EML1: variants seen among roughly 807,000 people sequenced by gnomAD.
EML1 encodes EMAP like 1.
EML1 carries 27 observed loss-of-function variants against 110.4 expected under a neutral mutation model. The ratio of observed to expected loss-of-function variants is 0.24; its 90% CI spans 0.18 to 0.34. EML1 has a LOEUF of 0.34. Ranked by LOEUF, EML1 falls within the 10% of genes least tolerant of loss-of-function variation. EML1 has a pLI of 1.00. For missense variants in EML1, 741 were observed against 1,030.9 expected (o/e 0.72, Z 3.85); for synonymous variants, 344 against 385.8 (o/e 0.89, Z 1.27).
chr14:99,924,135 G>A (rs2140095038), intron 17 of EML1, among the ~76,000 whole-genome samples: 1 of 152,282 alleles, frequency 6.6e-6, no homozygotes, highest in South Asian at 2.1e-4. Context: ...AGTTGTAGGT[G>A]TACAAGTCTT....
intron 1 of EML1, among the ~76,000 whole-genome samples, chr14:99,763,178 A>G (rs2057332675): frequency 6.6e-6 from 1 of 152,134 alleles, no homozygotes; most frequent in Non-Finnish European, 1.5e-5. Flanking sequence ...TTCTGCCATG[A>G]TTGTGAGGCC....
chr14:99,815,100 G>A (rs990183652), intron 1 of EML1, among the ~76,000 whole-genome samples: 3 of 147,672 alleles, frequency 2.0e-5, no homozygotes, highest in Admixed American at 6.7e-5. Context: ...GCGAGCTTGA[G>A]TTTCCCCTTA....
chr14:99,885,886 AG>A (rs2139964938), intron 4 of EML1: 1 of 455,906 alleles, frequency 2.2e-6, no homozygotes, highest in East Asian at 7.0e-5. Context: ...AAGGAGGTTA[AG>A]CTGGTGGAGG....
At chr14:99,805,673 G>A (rs1376138937) in intron 1 of EML1, among the ~76,000 whole-genome samples, 1 of 151,856 alleles carries the variant, frequency 6.6e-6, no homozygotes, top group East Asian at 1.9e-4. Context: ...ATGGGGTCTC[G>A]ATTTGTTCCT....
chr14:99,923,322 T>G (rs2060162719), intron 17 of EML1, among the ~76,000 whole-genome samples: 1 of 152,236 alleles, frequency 6.6e-6, no homozygotes, highest in Admixed American at 6.5e-5. Context: ...TTTCCTTTTG[T>G]GGATCATGCC....
intron 3 of EML1, among the ~76,000 whole-genome samples, chr14:99,872,076 T>C (rs1164823838): frequency 6.6e-6 from 1 of 152,180 alleles, no homozygotes; most frequent in African/African-American, 2.4e-5. Context: ...TGTGTACTAT[T>C]TGTGGGAGCA....
chr14:99,767,163 A>G (rs1360452121), intron 1 of EML1, among the ~76,000 whole-genome samples: 1 of 152,236 alleles, frequency 6.6e-6, no homozygotes, highest in Non-Finnish European at 1.5e-5. Context: ...ACAAATTTCT[A>G]TTTTAAGGAG....
intron 1 of EML1, among the ~76,000 whole-genome samples, chr14:99,754,368 C>T (rs1404726036): frequency 6.6e-5 from 10 of 152,160 alleles, no homozygotes; most frequent in Admixed American, 6.5e-4. Flanking sequence ...CCCTGCCTCC[C>T]CCCACGGTGG....
At chr14:99,844,261 A>G (rs1460230455) in intron 1 of EML1, among the ~76,000 whole-genome samples, 1 of 152,178 alleles carries the variant, frequency 6.6e-6, no homozygotes, top group East Asian at 1.9e-4. Flanking sequence ...CGGGCGGATC[A>G]CAAGGTCAGG....
chr14:99,897,232 G>GT lies in EML1; in HGVS notation c.767dup (p.Leu256PhefsTer18). 1 of 1,613,244 alleles carries GT rather than the reference G, an allele frequency of 6.2e-7. No individual in the cohort carries two copies. The highest frequency in any genetic ancestry group is 8.5e-7 in the Non-Finnish European group (1 of 1,179,668). ...TCTACTTCATCGCATCCGTGGTGGT[G>GT]TTATACAACGTGGAGGAGCAACTGC... On this transcript the variant is annotated frameshift_variant, in exon 7 of 22. Coordinates refer to ENST00000262233, the MANE Select transcript of EML1 (RefSeq NM_004434.3). LOFTEE classifies it high-confidence loss of function.
intron 1 of EML1, among the ~76,000 whole-genome samples, chr14:99,777,333 T>G (rs2057493865): frequency 1.3e-5 from 2 of 152,224 alleles, no homozygotes; most frequent in African/African-American, 4.8e-5. Context: ...TCCCTAGCGT[T>G]CTTCCTACCT....
At position 99,928,600 on chromosome 14, in the gene EML1, A is replaced by G. The variant is rs568018581; in HGVS notation, c.1910-7429A>G. ...TCTTTCATGCACAGGCCATTTGGCT[A>G]TGCTGACACTCTTGGAAACTGGAGT... On this transcript the variant is annotated intron_variant, in intron 17 of 21. Coordinates refer to ENST00000262233, the MANE Select transcript of EML1 (RefSeq NM_004434.3). Among the ~76,000 whole-genome samples, 8 of 152,278 alleles carry G rather than the reference A, an allele frequency of 5.3e-5. No individual in the cohort carries two copies. The South Asian group carries it at 8.3e-4, about 16-fold the overall frequency.
intron 1 of EML1, among the ~76,000 whole-genome samples, chr14:99,825,138 T>C (rs1253331736): frequency 6.6e-6 from 1 of 152,114 alleles, no homozygotes; most frequent in East Asian, 1.9e-4. Flanking sequence ...TGTGTGCCAC[T>C]ATGCTCGGCT....
At chr14:99,740,901 C>A (rs1305931886) in intron 1 of EML1, among the ~76,000 whole-genome samples, 1 of 152,178 alleles carries the variant, frequency 6.6e-6, no homozygotes, top group Non-Finnish European at 1.5e-5. Flanking sequence ...CTGCCTTTGA[C>A]CTTGTGATTT....
At chr14:99,852,047 A>G (rs1212772897) in intron 2 of EML1, among the ~76,000 whole-genome samples, 1 of 152,208 alleles carries the variant, frequency 6.6e-6, no homozygotes, top group African/African-American at 2.4e-5. Flanking sequence ...ATGAGATATT[A>G]AAAAGCAATA....
chr14:99,877,611 T>A (rs749458936), intron 3 of EML1, among the ~76,000 whole-genome samples: 2 of 152,214 alleles, frequency 1.3e-5, no homozygotes, highest in Non-Finnish European at 2.9e-5. Context: ...ATGAATGAAG[T>A]TGGCCGCTTA....
At chr14:99,907,556 T>G in intron 9 of EML1, 82 bp from the exon 10 acceptor site, 1 of 1,241,596 alleles carries the variant, frequency 8.1e-7, no homozygotes, top group Non-Finnish European at 1.2e-6. Flanking sequence ...TTATTAAAAA[T>G]GAAATTTGAT....
At chr14:99,914,873 C>T in intron 15 of EML1, 176 bp downstream of exon 15, 1 of 779,968 alleles carries the variant, frequency 1.3e-6, no homozygotes, top group Non-Finnish European at 1.9e-6. Context: ...TTTAACATTG[C>T]CTCGTGGCCT....
intron 17 of EML1, among the ~76,000 whole-genome samples, chr14:99,930,988 A>G (rs2060356363): frequency 1.3e-5 from 2 of 152,164 alleles, no homozygotes; most frequent in Admixed American, 6.5e-5. Context: ...TACTAGAATG[A>G]ATCAGAATCT....
Sources: gnomAD v4.1 joint callset for allele counts (sites outside exome capture counted in the v4.1 genomes callset) on GRCh38, gnomAD v4.1.1 for gene constraint, MANE v1.5 for transcripts, NCBI Gene and HGNC (gene_info 2026-07-23, HGNC 2026-07-21) for gene names.